The following DNAJC5B variants were observed in gnomAD, a reference collection of about 807,000 sequenced individuals.
DNAJC5B encodes DnaJ heat shock protein family (Hsp40) member C5 beta.
In DNAJC5B, 23 loss-of-function variants were observed where a neutral mutation model predicts 24.7. The ratio of observed to expected loss-of-function variants is 0.93; its 90% confidence interval spans 0.67 to 1.32. The LOEUF is 1.32. DNAJC5B is among the 40% of genes most tolerant of loss of function. The pLI, the probability that DNAJC5B is intolerant of heterozygous loss-of-function variation, is 0.00. For missense variants in DNAJC5B, 238 were observed against 240.8 expected (o/e 0.99, Z 0.08); for synonymous variants, 101 against 90.1 (o/e 1.12, Z -0.68).
intron 3 of DNAJC5B, among the ~76,000 whole-genome samples, chr8:66,059,360 A>G (rs1165403146): frequency 6.6e-6 from 1 of 152,226 alleles, no homozygotes; most frequent in Non-Finnish European, 1.5e-5. Context: ...TAGGCCTAGA[A>G]GAAGTCATCC....
At chr8:66,022,407 C>T (rs1806152047) in intron 1 of DNAJC5B, among the ~76,000 whole-genome samples, 1 of 152,172 alleles carries the variant, frequency 6.6e-6, no homozygotes, top group South Asian at 2.1e-4. Context: ...TGACTCATCC[C>T]CATGTGGACT....
intron 5 of DNAJC5B, among the ~76,000 whole-genome samples, chr8:66,096,029 T>C (rs1807945670): frequency 1.3e-5 from 2 of 152,332 alleles, no homozygotes; most frequent in African/African-American, 2.4e-5. Context: ...ATTTATTGTA[T>C]ATATTAGTTT....
intron 2 of DNAJC5B, among the ~76,000 whole-genome samples, chr8:66,048,111 C>G (rs911352740): frequency 6.6e-6 from 1 of 152,118 alleles, no homozygotes; most frequent in Non-Finnish European, 1.5e-5. Flanking sequence ...ATATGCAAAG[C>G]AACCTGAAGG....
intron 5 of DNAJC5B, among the ~76,000 whole-genome samples, chr8:66,092,212 G>C (rs1763807529): frequency 6.6e-6 from 1 of 152,092 alleles, no homozygotes; most frequent in Non-Finnish European, 1.5e-5. Context: ...TAGGGGAGAG[G>C]GTAGACCAAG....
At chr8:66,073,229 G>GA (rs892529273) in intron 3 of DNAJC5B, among the ~76,000 whole-genome samples, 1 of 151,680 alleles carries the variant, frequency 6.6e-6, no homozygotes, top group Non-Finnish European at 1.5e-5. Context: ...CATAAAAATA[G>GA]AAAAAAATTA....
At chr8:66,027,864 C>T (rs1472561605) in intron 1 of DNAJC5B, among the ~76,000 whole-genome samples, 1 of 152,146 alleles carries the variant, frequency 6.6e-6, no homozygotes, top group African/African-American at 2.4e-5. Context: ...GTTTCAATCC[C>T]GTTTGTATTT....
rs1807571191 is a variant in DNAJC5B, at chr8:66,080,515, C to T, written c.472C>T (p.Leu158=). ...GGACTTCTATGTGTCCCCAGAGGAT[C>T]TGGAGGAGCAGATCAAGTCTGACAT... ...EEDFYVSPED[L]EEQIKSDMEK... The change falls in exon 5 of 6, where the codon CTG becomes TTG. Residue 158 remains leucine, a synonymous_variant. Transcript: ENST00000276570. 3 of 1,613,000 alleles carry T rather than the reference C, an allele frequency of 1.9e-6. No homozygotes were observed. The highest frequency in any genetic ancestry group is 2.5e-6 in the Non-Finnish European group (3 of 1,179,522).
Position 66,099,942 on chromosome 8 carries a change from G to C in DNAJC5B, c.511G>C (p.Asp171His). 2 of 1,613,712 alleles carry C rather than the reference G, an allele frequency of 1.2e-6. No individual in the cohort carries two copies. The highest frequency in any genetic ancestry group is 2.2e-5 in the South Asian group (2 of 91,030). ...QIKSDMEKDV[D>H]FPVFLQPTNA... The stretch of plus-strand genomic sequence containing the variant: ...TTTGCTTTGTTTATTTTTAGATGTG[G>C]ACTTTCCAGTTTTTCTCCAGCCTAC... Residue 171 changes from aspartate (D) to histidine (H), a missense_variant, in exon 6 of 6, where the codon GAC becomes CAC. Transcript: ENST00000276570.
At chr8:66,062,347 T>A (rs1807101786) in intron 3 of DNAJC5B, among the ~76,000 whole-genome samples, 1 of 152,182 alleles carries the variant, frequency 6.6e-6, no homozygotes, top group Non-Finnish European at 1.5e-5. Context: ...AGCTTCCATC[T>A]GGGATCCAGA....
At chr8:66,026,223 TTGTC>T (rs1275137345) in intron 1 of DNAJC5B, among the ~76,000 whole-genome samples, 1 of 148,994 alleles carries the variant, frequency 6.7e-6, no homozygotes, top group Non-Finnish European at 1.5e-5. Flanking sequence ...GGCTCTCTGT[TTGTC>T]TGTTGTTGGT....
chr8:66,034,557 G>C (rs1806439417), intron 1 of DNAJC5B, among the ~76,000 whole-genome samples: 1 of 151,918 alleles, frequency 6.6e-6, no homozygotes, highest in African/African-American at 2.4e-5. Flanking sequence ...GTGCATGAGG[G>C]AGTTGTTGGC....
At chr8:66,023,789 G>A (rs1806193056) in intron 1 of DNAJC5B, among the ~76,000 whole-genome samples, 1 of 152,190 alleles carries the variant, frequency 6.6e-6, no homozygotes, top group East Asian at 1.9e-4. Context: ...ATTCTATTTG[G>A]AATTAACATG....
chr8:66,075,175 T>C (rs1807434106), intron 3 of DNAJC5B, among the ~76,000 whole-genome samples: 1 of 152,172 alleles, frequency 6.6e-6, no homozygotes, highest in Non-Finnish European at 1.5e-5. Flanking sequence ...CAAGCAATTC[T>C]CCTGCCTCAG....
At chr8:66,087,108 G>A (rs1239009437) in intron 5 of DNAJC5B, among the ~76,000 whole-genome samples, 1 of 152,140 alleles carries the variant, frequency 6.6e-6, no homozygotes, top group Non-Finnish European at 1.5e-5. Context: ...AAGCAAAAGA[G>A]GTTTAATTGA....
At chr8:66,077,154 C>T (rs138252143) in intron 4 of DNAJC5B, among the ~76,000 whole-genome samples, 1 of 152,308 alleles carries the variant, frequency 6.6e-6, no homozygotes, top group Admixed American at 6.5e-5. Context: ...AGGACTGACT[C>T]ATTGCTCAAA....
chr8:66,018,391 G>T (rs1047417696), upstream of DNAJC5B, among the ~76,000 whole-genome samples: 6 of 149,418 alleles, frequency 4.0e-5, no homozygotes, highest in African/African-American at 1.5e-4. Flanking sequence ...GGTGGGGGGG[G>T]TGCCTGTAAG....
At chr8:66,024,067 A>C (rs1265257349) in intron 1 of DNAJC5B, among the ~76,000 whole-genome samples, 1 of 152,230 alleles carries the variant, frequency 6.6e-6, no homozygotes, top group Non-Finnish European at 1.5e-5. Context: ...TTAACCTTAG[A>C]GATGTCTGGT....
At chr8:66,036,148 C>G (rs17398736) in intron 1 of DNAJC5B, among the ~76,000 whole-genome samples, 23,432 of 152,188 alleles carry the variant, frequency 0.15, 1,909 homozygotes, top group Non-Finnish European at 0.18. Context: ...ATTTTGGGAA[C>G]TCTTTGACGT....
At chr8:66,098,627 G>A (rs1808006337) in intron 5 of DNAJC5B, among the ~76,000 whole-genome samples, 1 of 151,378 alleles carries the variant, frequency 6.6e-6, no homozygotes, top group Admixed American at 6.6e-5. Flanking sequence ...TGTTAGATAT[G>A]TTAGACCTTA....
Sources: allele counts gnomAD v4.1 joint callset (sites outside exome capture counted in the v4.1 genomes callset), GRCh38; gene constraint gnomAD v4.1.1; transcripts MANE v1.5; gene names NCBI Gene and HGNC (gene_info 2026-07-23, HGNC 2026-07-21).